Variants in FBXO17 observed in about 807,000 individuals in gnomAD.
FBXO17 encodes F-box protein 17.
A neutral mutation model predicts 34.1 loss-of-function variants in FBXO17; 43 were observed. The observed-to-expected ratio is 1.26, with a 90% confidence interval of 0.99 to 1.62. The LOEUF (loss-of-function observed/expected upper bound fraction) is 1.62, where lower values mean the gene tolerates loss of function less well. Among genes scored for constraint, FBXO17 ranks in the 40% most tolerant of loss-of-function variants. The pLI, the probability that FBXO17 is intolerant of heterozygous loss-of-function variation, is 0.00. For synonymous variants in FBXO17, 169 were observed against 166.0 expected, an observed-to-expected ratio of 1.02 and a Z score of -0.14; for missense variants, 424 against 386.7, an observed-to-expected ratio of 1.10 and a Z score of -0.81.
At chr19:38,955,183 G>C (rs968335813) in intron 1 of FBXO17, among the ~76,000 whole-genome samples, 1 of 151,408 alleles carries the variant, frequency 6.6e-6, no homozygotes, top group African/African-American at 2.4e-5. Flanking sequence ...CGCCCGCCTT[G>C]GCCTCCCAAA....
chr19:38,944,796 A>C, intron 5 of FBXO17, 173 bp downstream of exon 5: 1 of 865,866 alleles, frequency 1.2e-6, no homozygotes, highest in Non-Finnish European at 1.8e-6. Flanking sequence ...AATGAAATGA[A>C]TCGATATGTA....
Position 38,950,035 on chromosome 19 carries a change from G to T in FBXO17, c.285C>A (p.Ala95=), listed in dbSNP as rs1437046203. The change falls in exon 2 of 6, where the codon GCC becomes GCA. Residue 95 remains alanine, a synonymous_variant. Transcript: ENST00000292852. ...GCGCGCGCAGACAGTAGCGCGCCAG[G>T]GCGCACAGCGGGAACTCCTCCTTGT... The part of the protein sequence containing the change: ...NEDKEEFPLC[A]LARYCLRAPF... 2.6e-6 allele frequency: 4 copies of T among 1,565,818 alleles called. No homozygotes were observed. Among genetic ancestry groups the T allele is most frequent in the Non-Finnish European group, 3.5e-6 (4 of 1,156,834 alleles).
intron 1 of FBXO17, among the ~76,000 whole-genome samples, chr19:38,960,743 G>C (rs1318319321): frequency 6.7e-6 from 1 of 149,878 alleles, no homozygotes. Context: ...CCTGACCTCA[G>C]GTGAACCACC....
intron 3 of FBXO17, chr19:38,946,935 A>C (rs1600189012): frequency 4.5e-6 from 1 of 224,624 alleles, no homozygotes; most frequent in Non-Finnish European, 8.9e-6. Context: ...TGTCTCTGTC[A>C]CCCATTGCTT....
At chr19:38,955,583 A>C (rs910020399) in intron 1 of FBXO17, among the ~76,000 whole-genome samples, 1 of 150,254 alleles carries the variant, frequency 6.7e-6, no homozygotes, top group Non-Finnish European at 1.5e-5. Flanking sequence ...TCCCAGGTTC[A>C]AGTGATTCTC....
At chr19:38,964,968 G>A (rs1407405163) in intron 1 of FBXO17, among the ~76,000 whole-genome samples, 1 of 152,054 alleles carries the variant, frequency 6.6e-6, no homozygotes, top group Non-Finnish European at 1.5e-5. Context: ...TGACCAAGAG[G>A]CCAGTGGGAA....
At chr19:38,964,629 T>C (rs1024876247) in intron 1 of FBXO17, among the ~76,000 whole-genome samples, 1 of 151,830 alleles carries the variant, frequency 6.6e-6, no homozygotes, top group African/African-American at 2.4e-5. Context: ...TAACCAGACA[T>C]GGTTGCAAGC....
chr19:38,948,666 C>G lies in FBXO17; in HGVS notation c.362G>C (p.Gly121Ala), dbSNP rs766955327. 15 of 1,613,906 alleles carry G rather than the reference C, an allele frequency of 9.3e-6. No homozygotes were observed. The highest frequency in any genetic ancestry group is 1.3e-5 in the Non-Finnish European group (15 of 1,179,890). Residue 121 changes from glycine (G) to alanine (A), a missense_variant, in exon 3 of 6, where the codon GGC (glycine) becomes GCC (alanine). Transcript: ENST00000292852. ...GTTCCCGCCATGCTCCACCTCCCAGCCTCTGAAGCCCTCTGTGGGAAAACA... is the reference window on the plus strand; with the variant it reads ...GTTCCCGCCATGCTCCACCTCCCAGGCTCTGAAGCCCTCTGTGGGAAAACA... Reference protein sequence around the residue: ...FNSCGEQGFRGWEVEHGGNGW... With the variant: ...FNSCGEQGFRAWEVEHGGNGW...
intron 5 of FBXO17, among the ~76,000 whole-genome samples, chr19:38,943,024 C>T (rs1455691153): frequency 6.6e-6 from 1 of 152,072 alleles, no homozygotes; most frequent in Non-Finnish European, 1.5e-5. Flanking sequence ...GCAAAGGCCC[C>T]ACAGAGGTGA....
chr19:38,948,051 G>C (rs1460009575), intron 3 of FBXO17, among the ~76,000 whole-genome samples: 3 of 149,364 alleles, frequency 2.0e-5, no homozygotes, highest in African/African-American at 7.4e-5. Context: ...CTGTCGCCCA[G>C]GCTGGAGTGC....
At chr19:38,943,871 T>A (rs897567654) in intron 5 of FBXO17, among the ~76,000 whole-genome samples, 6 of 152,226 alleles carry the variant, frequency 3.9e-5, no homozygotes, top group African/African-American at 1.2e-4. Context: ...ATTACAGGCA[T>A]GAGCCACCAC....
In FBXO17 at chr19:38,945,112, G is replaced by A. The variant is rs772508873; in HGVS notation, c.558-8C>T. On this transcript the variant is annotated splice_region_variant and splice_polypyrimidine_tract_variant and intron_variant, in intron 4 of 5. Transcript: ENST00000292852. Reference sequence around the variant, plus strand: ...TTCTCTCGAGCGCCCCACCTGCCAGGCAGCAGTCAGCCTCTATGCCCCCGT... The same window carrying A: ...TTCTCTCGAGCGCCCCACCTGCCAGACAGCAGTCAGCCTCTATGCCCCCGT... 1.9e-6 allele frequency: 3 copies of A among 1,613,818 alleles called. No homozygotes were observed. Among genetic ancestry groups the A allele is most frequent in the South Asian group, 2.2e-5 (2 of 91,072 alleles).
chr19:38,962,366 C>A (rs1975264369), intron 1 of FBXO17, among the ~76,000 whole-genome samples: 1 of 152,172 alleles, frequency 6.6e-6, no homozygotes, highest in Admixed American at 6.5e-5. Flanking sequence ...GGCAGCTACT[C>A]CTGCAGCGAG....
chr19:38,946,073 C>T (rs565145021), intron 4 of FBXO17: 1 of 240,384 alleles, frequency 4.2e-6, no homozygotes, highest in East Asian at 1.1e-4. Flanking sequence ...GGCATTCATC[C>T]TAAGCCTGTA....
chr19:38,954,519 C>A (rs924696073), intron 1 of FBXO17, among the ~76,000 whole-genome samples: 1 of 150,484 alleles, frequency 6.6e-6, no homozygotes, highest in East Asian at 2.0e-4. Context: ...ATCCACCTGC[C>A]TCAGCCTCCC....
chr19:38,944,841 G>A (rs1236957863), intron 5 of FBXO17, 128 bp downstream of exon 5: 3 of 1,329,524 alleles, frequency 2.3e-6, no homozygotes, highest in Non-Finnish European at 3.1e-6. Flanking sequence ...TGTAAGAAGG[G>A]CTCGATACTT....
chr19:38,953,457 GT>G (rs1176177278), intron 1 of FBXO17, among the ~76,000 whole-genome samples: 7 of 152,128 alleles, frequency 4.6e-5, no homozygotes, highest in Admixed American at 1.3e-4. Flanking sequence ...GAGGTCAGTA[GT>G]TTGAGACCAG....
intron 1 of FBXO17, among the ~76,000 whole-genome samples, chr19:38,957,405 T>G (rs1975181246): frequency 6.6e-6 from 1 of 151,784 alleles, no homozygotes; most frequent in South Asian, 2.1e-4. Context: ...GGAGTGCAGT[T>G]GCATGATCTC....
intron 1 of FBXO17, among the ~76,000 whole-genome samples, chr19:38,970,107 A>G (rs1975372969): frequency 6.6e-6 from 1 of 152,108 alleles, no homozygotes; most frequent in South Asian, 2.1e-4. Context: ...ATAGCACAAT[A>G]ATACAAATAT....
Sources: gnomAD v4.1 joint callset for allele counts (sites outside exome capture counted in the v4.1 genomes callset) on GRCh38, gnomAD v4.1.1 for gene constraint, MANE v1.5 for transcripts, NCBI Gene and HGNC (gene_info 2026-07-23, HGNC 2026-07-21) for gene names.